Variants in DSG2 observed in about 807,000 individuals in gnomAD.
DSG2 encodes desmoglein-2.
Under a neutral mutation model 75.6 loss-of-function variants are expected in DSG2, and 45 were observed. The observed-to-expected ratio is 0.60, with a 90% CI of 0.47 to 0.76. The LOEUF is 0.76. Ranked by LOEUF, DSG2 falls within the 30% of genes least tolerant of loss-of-function variation. The pLI, the probability that DSG2 is intolerant of heterozygous loss-of-function variation, is 0.00. For synonymous variants in DSG2, 429 were observed against 483.9 expected (o/e 0.89, Z 1.49); for missense variants, 1,267 against 1,357.4 (o/e 0.93, Z 1.05).
rs1339666679 is a variant in DSG2, at chr18:31,518,267, A to C, written c.74A>C (p.His25Pro). 1 of 1,613,496 alleles carries C rather than the reference A, an allele frequency of 6.2e-7. No homozygotes were observed. Among genetic ancestry groups the C allele is most frequent in the Non-Finnish European group, 8.5e-7 (1 of 1,179,454 alleles). ...TGCTTTAACGTTGGAAGTGGACTTC[A>C]CTTACAGGTGAGGAAACAAAGGGAT... is the stretch of plus-strand genomic sequence containing the variant. ...LICFNVGSGLHLQVLSTRNEN... is the reference protein window; with the variant it reads ...LICFNVGSGLPLQVLSTRNEN... Residue 25 changes from histidine (H) to proline (P), a missense_variant, in exon 2 of 15, where the codon CAC becomes CCC. Physicochemically the swap from His to Pro is moderately conservative, Grantham distance 77 (BLOSUM62 -2). Transcript: ENST00000261590.
At chr18:31,519,739 A>G (rs2073116119) in intron 2 of DSG2, 64 bp from the exon 3 acceptor site, 6 of 1,552,368 alleles carry the variant, frequency 3.9e-6, no homozygotes, top group Non-Finnish European at 5.3e-6. Context: ...ATGTTATAGG[A>G]CAGCATACTA....
At chr18:31,542,959 GTT>G (rs10714882) in intron 14 of DSG2, 107 bp downstream of exon 14, 2,083 of 683,468 alleles carry the variant, frequency 3.0e-3, no homozygotes, top group East Asian at 7.7e-3. Flanking sequence ...GAGACTTTGG[GTT>G]TTTTTTTTTT....
At position 31,547,237 on chromosome 18, in the gene DSG2, G is replaced by T; in HGVS notation, c.*494G>T. ...CATGCACAGTCTGAGCACCAGCTAT[G>T]GTGCTCATAACTTCTTTAAGACTTG... On this transcript the variant is annotated 3_prime_UTR_variant, in exon 15 of 15. Coordinates refer to ENST00000261590, the MANE Select transcript of DSG2 (RefSeq NM_001943.5). 1 of 227,564 alleles carries T rather than the reference G, an allele frequency of 4.4e-6. No homozygotes were observed. Among genetic ancestry groups the T allele is most frequent in the Non-Finnish European group, 8.7e-6 (1 of 114,804 alleles). 14.1% of individuals were successfully genotyped at this position (227,564 alleles called of 1,614,324 possible).
intron 2 of DSG2, among the ~76,000 whole-genome samples, chr18:31,519,308 G>A (rs2073112910): frequency 6.6e-6 from 1 of 152,138 alleles, no homozygotes; most frequent in Non-Finnish European, 1.5e-5. Flanking sequence ...TGTAATCCCA[G>A]CACTTTGGGA....
At chr18:31,508,353 ATTTAT>A (rs199925165) in intron 1 of DSG2, among the ~76,000 whole-genome samples, 11,686 of 145,884 alleles carry the variant, frequency 0.08, 514 homozygotes, top group African/African-American at 0.11. Context: ...GAACTGCCTG[ATTTAT>A]TTTATTTTAT....
intron 14 of DSG2, chr18:31,543,397 TAA>T (rs1273373701): frequency 1.3e-5 from 2 of 152,476 alleles, no homozygotes; most frequent in East Asian, 3.9e-4. Flanking sequence ...ATATATAACC[TAA>T]AAAACACAAT....
At chr18:31,515,732 A>G (rs1267189249) in intron 1 of DSG2, among the ~76,000 whole-genome samples, 2 of 152,228 alleles carry the variant, frequency 1.3e-5, no homozygotes, top group African/African-American at 2.4e-5. Context: ...AGCCCACACT[A>G]GAAGCTGAAC....
Position 31,548,574 on chromosome 18 carries a change from T to C in DSG2, c.*1831T>C, listed in dbSNP as rs546796254. ...GTTGTTTCTTTTATTATTATAGACT[T>C]ACTATCAGTTTTATTTTGCCAAGTA... On this transcript the variant is annotated 3_prime_UTR_variant, in exon 15 of 15. Coordinates refer to ENST00000261590, the MANE Select transcript of DSG2 (RefSeq NM_001943.5). 47 of 152,322 alleles carry C rather than the reference T, an allele frequency of 3.1e-4. No homozygotes were observed. The highest frequency in any genetic ancestry group is 5.7e-4 in the Non-Finnish European group (39 of 68,020). The allele number at this position is 152,322 out of a possible 1,614,324, so 9.4% of individuals were successfully genotyped here. A position where few individuals can be genotyped will look rare whatever the true frequency, so the allele number is the denominator to read the frequency against.
At chr18:31,541,952 G>T (rs953539881) in intron 13 of DSG2, among the ~76,000 whole-genome samples, 1 of 152,006 alleles carries the variant, frequency 6.6e-6, no homozygotes, top group Non-Finnish European at 1.5e-5. Context: ...TTCCATGGTT[G>T]AGTTCCATTC....
intron 1 of DSG2, among the ~76,000 whole-genome samples, chr18:31,505,656 C>CTTTTTTTTTTTTTTTTTTTTTTTTTT (rs558578470): frequency 1.5e-5 from 2 of 136,080 alleles, no homozygotes; most frequent in South Asian, 2.3e-4. Flanking sequence ...ATTTTTTTTT[C>CTTTTTTTTTTTTTTTTTTTTTTTTTT]TTTTTTTTTT....
At position 31,520,783 on chromosome 18, in the gene DSG2, T is replaced by G; in HGVS notation, c.217-20T>G. ...TTACAGAGAGTTCAACCTGAAACATTCCTGTTATTTTTATGTTAGATACAT... is the reference window on the plus strand; with the variant it reads ...TTACAGAGAGTTCAACCTGAAACATGCCTGTTATTTTTATGTTAGATACAT... On this transcript the variant is annotated intron_variant, in intron 3 of 14. Coordinates refer to ENST00000261590, the MANE Select transcript of DSG2 (RefSeq NM_001943.5). 6.2e-7 allele frequency: 1 copy of G among 1,612,256 alleles called. No homozygotes were observed. The highest frequency in any genetic ancestry group is 8.5e-7 in the Non-Finnish European group (1 of 1,178,870).
intron 1 of DSG2, among the ~76,000 whole-genome samples, chr18:31,510,450 G>A (rs2073060633): frequency 1.3e-5 from 2 of 152,216 alleles, no homozygotes; most frequent in South Asian, 4.1e-4. Context: ...CTGTCATCCA[G>A]TGACTCATGA....
chr18:31,501,845 AG>A (rs2073015373), intron 1 of DSG2, among the ~76,000 whole-genome samples: 1 of 152,190 alleles, frequency 6.6e-6, no homozygotes, highest in Non-Finnish European at 1.5e-5. Flanking sequence ...ATTATCTTTT[AG>A]GGGTCATAAT....
rs1382682032 is a variant in DSG2 at position 31,541,270 on chromosome 18, A to T, written c.1957A>T (p.Met653Leu). Reference protein sequence around the residue: ...GFTPIPGTIEMLHPWNNEGAP... With the variant: ...GFTPIPGTIELLHPWNNEGAP... ...TACCCCCATACCTGGCACCATAGAG[A>T]TGCTGCATCCTTGGAATAATGAAGG... is the stretch of plus-strand genomic sequence containing the variant. Residue 653 changes from methionine to leucine, a missense_variant, in exon 13 of 15, where the codon ATG (methionine) becomes TTG (leucine). Physicochemically the swap from Met to Leu is conservative, Grantham distance 15 (BLOSUM62 2). Transcript: ENST00000261590. 4 of 1,614,028 alleles carry T rather than the reference A, an allele frequency of 2.5e-6. No individual in the cohort carries two copies. Among genetic ancestry groups the T allele is most frequent in the Non-Finnish European group, 3.4e-6 (4 of 1,180,014 alleles).
In DSG2 at chr18:31,524,841, A is replaced by G. The variant is rs886039096; in HGVS notation, c.967A>G (p.Ile323Val). 2 of 1,614,238 alleles carry G rather than the reference A, an allele frequency of 1.2e-6. No homozygotes were observed. Among genetic ancestry groups the G allele is most frequent in the Middle Eastern group, 1.6e-4 (1 of 6,062 alleles). The change falls in exon 8 of 15, where the codon ATA becomes GTA. Residue 323 changes from isoleucine to valine, a missense_variant. Transcript: ENST00000261590. ...ASGNEGGYFH[I>V]ETDAQTNEGI... ...AGGAAATGAAGGAGGTTATTTCCAC[A>G]TAGAAACAGATGCTCAAACTAACGA...
chr18:31,510,893 T>C (rs922477166), intron 1 of DSG2, among the ~76,000 whole-genome samples: 1 of 152,210 alleles, frequency 6.6e-6, no homozygotes, highest in Admixed American at 6.5e-5. Context: ...ATTTAGTGTT[T>C]GGAGGAAACC....
chr18:31,506,293 T>C (rs2073038923), intron 1 of DSG2, among the ~76,000 whole-genome samples: 1 of 152,288 alleles, frequency 6.6e-6, no homozygotes, highest in Non-Finnish European at 1.5e-5. Flanking sequence ...TGGAACTAGA[T>C]AATTAATTTC....
chr18:31,535,270 A>G lies in DSG2; in HGVS notation c.1281A>G (p.Arg427=), dbSNP rs370547219. The G allele has an allele frequency of 6.3e-7, 1 of 1,575,814 alleles. No homozygotes were observed. Among genetic ancestry groups the G allele is most frequent in the Admixed American group, 1.7e-5 (1 of 59,508 alleles). ...TAATTTTATGTTTGTTTTATGACAGATATGTAAAATTAGAAGATAGAGATA... is the reference window on the plus strand; with the variant it reads ...TAATTTTATGTTTGTTTTATGACAGGTATGTAAAATTAGAAGATAGAGATA... ...DEDTGLPAHA[R]YVKLEDRDNW... is the part of the protein sequence containing the mutation. The change falls in exon 10 of 15, where the codon AGA becomes AGG. Residue 427 remains arginine (R), a splice_region_variant and synonymous_variant. Coordinates refer to ENST00000261590, the MANE Select transcript of DSG2 (RefSeq NM_001943.5).
In DSG2 at chr18:31,545,726, G is replaced by GA; in HGVS notation, c.2340_2341insA (p.Ala781SerfsTer5). ...TTGTTTTGTTTTCATTTTAGAAAGC[G>GA]GCCTCTTACACTGAGGAAGATGAAA... On this transcript the variant is annotated frameshift_variant, in exon 15 of 15. Transcript: ENST00000261590. LOFTEE classifies it low-confidence loss of function (END_TRUNC). The GA allele has an allele frequency of 6.2e-7, 1 of 1,613,550 alleles. No homozygotes were observed. The highest frequency in any genetic ancestry group is 8.5e-7 in the Non-Finnish European group (1 of 1,180,004).
Sources: allele counts gnomAD v4.1 joint callset (sites outside exome capture counted in the v4.1 genomes callset), GRCh38; gene constraint gnomAD v4.1.1; transcripts MANE v1.5; gene names NCBI Gene and HGNC (gene_info 2026-07-23, HGNC 2026-07-21).